Variants in TUSC3 observed in about 807,000 individuals in gnomAD.
The protein encoded by TUSC3 is dolichyl-diphosphooligosaccharide--protein glycosyltransferase subunit TUSC3.
TUSC3 carries 45 observed loss-of-function variants against 44.8 expected under a neutral mutation model. That is an observed-to-expected ratio of 1.00 (90% CI 0.79 to 1.29). The LOEUF is 1.29. Ranked by LOEUF, TUSC3 falls within the 50% of genes most tolerant of loss-of-function variation. The probability of loss-of-function intolerance (pLI) is 0.00; values close to 1 mark genes in which losing one functional copy is unlikely to be tolerated. For missense variants in TUSC3, 519 were observed against 437.9 expected (o/e 1.19, Z -1.65); for synonymous variants, 212 against 152.9 (o/e 1.39, Z -2.85).
intron 3 of TUSC3, among the ~76,000 whole-genome samples, chr8:15,655,085 G>A (rs981856249): frequency 6.6e-6 from 1 of 152,188 alleles, no homozygotes; most frequent in Non-Finnish European, 1.5e-5. Context: ...CAGGGCAGGA[G>A]AGGGTCCCTC....
chr8:15,481,981 G>A (rs187047111), intron 1 of TUSC3, among the ~76,000 whole-genome samples: 28 of 152,218 alleles, frequency 1.8e-4, no homozygotes, highest in African/African-American at 4.1e-4. Flanking sequence ...TTTGAAAATC[G>A]GAGTCAATCT....
intron 6 of TUSC3, among the ~76,000 whole-genome samples, chr8:15,720,354 A>G (rs1449438525): frequency 1.3e-5 from 2 of 152,064 alleles, no homozygotes; most frequent in Admixed American, 6.6e-5. Flanking sequence ...AAATTACCTC[A>G]AAATTTAAGT....
intron 2 of TUSC3, among the ~76,000 whole-genome samples, chr8:15,638,051 C>T (rs1806171332): frequency 6.6e-6 from 1 of 152,088 alleles, no homozygotes; most frequent in South Asian, 2.1e-4. Flanking sequence ...CTTCCAAGCC[C>T]CTTTCTTTAT....
chr8:15,473,772 A>G (rs1317677813), intron 1 of TUSC3, among the ~76,000 whole-genome samples: 1 of 152,220 alleles, frequency 6.6e-6, no homozygotes, highest in Non-Finnish European at 1.5e-5. Context: ...CAAAGATCAC[A>G]TGCTTCTGAG....
intron 6 of TUSC3, among the ~76,000 whole-genome samples, chr8:15,684,223 C>G (rs1585226541): frequency 6.6e-6 from 1 of 152,054 alleles, no homozygotes; most frequent in Non-Finnish European, 1.5e-5. Flanking sequence ...GGGGGGCAGG[C>G]TCTAATGGGC....
At chr8:15,627,349 C>T (rs983763701) in intron 2 of TUSC3, among the ~76,000 whole-genome samples, 6 of 152,194 alleles carry the variant, frequency 3.9e-5, no homozygotes, top group Admixed American at 1.3e-4. Flanking sequence ...AGAGGAGCTG[C>T]CCACTGCAGG....
chr8:15,509,495 C>A (rs961976676), intron 2 of TUSC3, among the ~76,000 whole-genome samples: 6 of 152,198 alleles, frequency 3.9e-5, no homozygotes, highest in African/African-American at 1.4e-4. Flanking sequence ...GTAATCCCAG[C>A]TACTCGGGAG....
the TUSC3 span, among the ~76,000 whole-genome samples, chr8:15,781,991 G>A: frequency 6.6e-6 from 1 of 152,176 alleles, no homozygotes; most frequent in Non-Finnish European, 1.5e-5. Flanking sequence ...AAAATTAGCT[G>A]GATGTGGTGG....
chr8:15,794,875 A>G, the TUSC3 span, among the ~76,000 whole-genome samples: 3 of 152,152 alleles, frequency 2.0e-5, no homozygotes, highest in African/African-American at 7.2e-5. Flanking sequence ...CTGGACAAAC[A>G]TCCTCTAAAA....
chr8:15,804,819 G>C, the TUSC3 span, among the ~76,000 whole-genome samples: 15 of 152,184 alleles, frequency 9.9e-5, no homozygotes, highest in Admixed American at 6.6e-4. Flanking sequence ...TTCTCCTTTG[G>C]TTCTATGTGA....
At chr8:15,580,805 C>G (rs1803295009) in intron 1 of TUSC3, among the ~76,000 whole-genome samples, 1 of 140,630 alleles carries the variant, frequency 7.1e-6, no homozygotes, top group Non-Finnish European at 1.5e-5. Flanking sequence ...CTTGGAGTTG[C>G]TCTTCTCGAG....
intron 6 of TUSC3, among the ~76,000 whole-genome samples, chr8:15,678,904 C>T (rs1377467698): frequency 6.6e-6 from 1 of 152,142 alleles, no homozygotes; most frequent in Non-Finnish European, 1.5e-5. Flanking sequence ...TGTGAATTTG[C>T]ACCTCTAGCT....
chr8:15,631,916 C>G (rs949321781), intron 2 of TUSC3, among the ~76,000 whole-genome samples: 2 of 152,142 alleles, frequency 1.3e-5, no homozygotes, highest in African/African-American at 4.8e-5. Flanking sequence ...AGCGTGTTGG[C>G]CAGGCTGGTC....
chr8:15,461,650 G>C (rs562595720), intron 1 of TUSC3, among the ~76,000 whole-genome samples: 3 of 151,616 alleles, frequency 2.0e-5, no homozygotes, highest in Non-Finnish European at 4.4e-5. Context: ...TCCCCATTCA[G>C]TATTACGTTA....
At chr8:15,715,395 T>G (rs1180146226) in intron 6 of TUSC3, among the ~76,000 whole-genome samples, 1 of 152,116 alleles carries the variant, frequency 6.6e-6, no homozygotes, top group Admixed American at 6.6e-5. Context: ...CCCACTCTTC[T>G]TCTTCCTGTG....
In TUSC3 at chr8:15,540,631, C is replaced by CA. The variant is rs926300365; in HGVS notation, c.138+64dup. On this transcript the variant is annotated intron_variant, in intron 1 of 10. Transcript: ENST00000503731. ...GGCGGGCCAGGGTGGGCCGCGTTGC[C>CA]AGGCAGCCCTGCCGTGTTGCTAGGC... The CA allele has an allele frequency of 7.5e-6, 11 of 1,473,392 alleles. 1 individual carries two copies. The highest frequency in any genetic ancestry group is 2.0e-4 in the Middle Eastern group (1 of 5,068). 91.3% of individuals were successfully genotyped at this position (1,473,392 alleles called of 1,614,324 possible).
chr8:15,673,703 T>G (rs1808057082), intron 5 of TUSC3, 44 bp from the exon 6 acceptor site: 2 of 1,401,168 alleles, frequency 1.4e-6, no homozygotes, highest in Non-Finnish European at 2.0e-6. Context: ...ATTATTCTGG[T>G]ATTCTCTGGT....
the TUSC3 span, among the ~76,000 whole-genome samples, chr8:15,820,433 C>T: frequency 6.6e-6 from 1 of 151,666 alleles, no homozygotes; most frequent in Non-Finnish European, 1.5e-5. Context: ...GATTCTCCTG[C>T]CTCAGCCTCC....
At position 15,667,072 on chromosome 8, in the gene TUSC3, T is replaced by A. The variant is rs145044171; in HGVS notation, c.708+4776T>A. ...ATCTTATTATAAAGTCACAATTGAATAAGACTCACTGTGAAGTTCCATACA... is the reference window on the plus strand; with the variant it reads ...ATCTTATTATAAAGTCACAATTGAAAAAGACTCACTGTGAAGTTCCATACA... On this transcript the variant is annotated intron_variant, in intron 5 of 10. Transcript: ENST00000503731. Among the ~76,000 whole-genome samples the A allele has an allele frequency of 9.9e-3, 1,495 of 151,732 alleles. 24 individuals are homozygous for A. Among genetic ancestry groups the A allele is most frequent in the South Asian group, 0.016 (78 of 4,830 alleles).
Sources: gnomAD v4.1 joint callset for allele counts (sites outside exome capture counted in the v4.1 genomes callset) on GRCh38, gnomAD v4.1.1 for gene constraint, MANE v1.5 for transcripts, NCBI Gene and HGNC (gene_info 2026-07-23, HGNC 2026-07-21) for gene names.